RASSF5: variants seen among roughly 807,000 people sequenced by gnomAD.
The protein encoded by RASSF5 is ras association domain-containing protein 5.
Under a neutral mutation model 40.5 loss-of-function variants are expected in RASSF5, and 25 were observed. The ratio of observed to expected loss-of-function variants is 0.62; its 90% CI spans 0.45 to 0.86. The LOEUF is 0.86. Among genes scored for constraint, RASSF5 ranks in the 40% least tolerant of loss-of-function variants. The pLI is 0.00. For synonymous variants in RASSF5, 246 were observed against 252.4 expected (o/e 0.97, Z 0.24); for missense variants, 521 against 572.8 (o/e 0.91, Z 0.92).
In RASSF5 at chr1:206,588,824, TG is replaced by T. The variant is rs1304700745; in HGVS notation, c.*1848del. 6.5e-6 allele frequency: 1 copy of T among 152,750 alleles called. No homozygotes were observed. The highest frequency in any genetic ancestry group is 2.4e-5 in the African/African-American group (1 of 41,434). The allele number at this position is 152,750 out of a possible 1,614,324, so 9.5% of individuals were successfully genotyped here. On this transcript the variant is annotated 3_prime_UTR_variant, in exon 6 of 6. Coordinates refer to ENST00000579436, the MANE Select transcript of RASSF5 (RefSeq NM_182663.4). ...CCTGCTGTATATTAAAGGGAGCAGG[TG>T]GAGAGTCATTTTCCTTCGTCCTGCA...
intron 2 of RASSF5, among the ~76,000 whole-genome samples, chr1:206,574,741 G>T (rs1668571892): frequency 6.6e-6 from 1 of 152,146 alleles, no homozygotes; most frequent in Non-Finnish European, 1.5e-5. Context: ...TGGGTCTGTG[G>T]AGTCCATTTC....
intron 2 of RASSF5, among the ~76,000 whole-genome samples, chr1:206,575,446 G>A (rs1217173046): frequency 2.0e-5 from 3 of 152,188 alleles, no homozygotes; most frequent in Admixed American, 6.5e-5. Context: ...TTAAGAATGC[G>A]TAGACCGGCT....
chr1:206,512,355 T>A (rs782312969), intron 1 of RASSF5, among the ~76,000 whole-genome samples: 4 of 152,098 alleles, frequency 2.6e-5, no homozygotes, highest in Admixed American at 6.5e-5. Flanking sequence ...AAGATGAAAG[T>A]GAAAGGATTA....
chr1:206,539,018 A>G (rs1667484366), intron 2 of RASSF5, among the ~76,000 whole-genome samples: 1 of 152,236 alleles, frequency 6.6e-6, no homozygotes, highest in South Asian at 2.1e-4. Flanking sequence ...TTGCAATAAA[A>G]GTATGAACCA....
chr1:206,586,590 A>G (rs1669120591), intron 5 of RASSF5: 1 of 435,162 alleles, frequency 2.3e-6, no homozygotes, highest in Non-Finnish European at 4.1e-6. Context: ...AAATAAAAAC[A>G]TGGTTCATAG....
intron 1 of RASSF5, among the ~76,000 whole-genome samples, chr1:206,526,646 A>G (rs1667104166): frequency 6.6e-6 from 1 of 152,142 alleles, no homozygotes. Context: ...CCATTCACCA[A>G]CATGACCTAT....
In RASSF5 at chr1:206,534,797, C is replaced by T. The variant is rs552585639; in HGVS notation, c.458-3375C>T. Among the ~76,000 whole-genome samples the T allele has an allele frequency of 3.9e-5, 6 of 152,332 alleles. No individual in the cohort carries two copies. The South Asian group carries it at 8.3e-4, about 21-fold the overall frequency. ...CTCACCCTCGGGCTAGCACAGAGCA[C>T]GAGGAAGCCCCCATGCTCCAGACAT... On this transcript the variant is annotated intron_variant, in intron 1 of 5. Transcript: ENST00000579436.
At chr1:206,585,695 T>C (rs782760330) in intron 5 of RASSF5, 23 of 162,210 alleles carry the variant, frequency 1.4e-4, no homozygotes, top group Non-Finnish European at 3.0e-4. Context: ...TGTCCTCCCT[T>C]TTCTTGACCT....
chr1:206,543,192 C>T (rs1667587088), intron 2 of RASSF5: 1 of 149,150 alleles, frequency 6.7e-6, no homozygotes, highest in South Asian at 2.1e-4. Context: ...CACTGTACTC[C>T]CATCTGGGCA....
intron 1 of RASSF5, among the ~76,000 whole-genome samples, chr1:206,519,128 C>T (rs1168983740): frequency 6.6e-6 from 1 of 152,150 alleles, no homozygotes; most frequent in African/African-American, 2.4e-5. Context: ...AGGGCAAGAA[C>T]AGTCCTCGCC....
At chr1:206,567,776 T>A (rs1668326865) in intron 2 of RASSF5, among the ~76,000 whole-genome samples, 1 of 152,120 alleles carries the variant, frequency 6.6e-6, no homozygotes, top group African/African-American at 2.4e-5. Context: ...GGCTGGAATG[T>A]GCGATAGTAA....
At chr1:206,585,771 G>A (rs1271520412) in intron 5 of RASSF5, 1 of 153,754 alleles carries the variant, frequency 6.5e-6, no homozygotes, top group Non-Finnish European at 1.4e-5. Context: ...AACCAGGCCG[G>A]TGCCACCCAT....
intron 1 of RASSF5, among the ~76,000 whole-genome samples, chr1:206,529,859 G>A (rs1553397727): frequency 1.3e-5 from 2 of 152,056 alleles, no homozygotes; most frequent in Non-Finnish European, 2.9e-5. Flanking sequence ...AGGCTGAAGC[G>A]AGCCATGTTC....
At chr1:206,518,541 C>G in intron 1 of RASSF5, 1 of 398,542 alleles carries the variant, frequency 2.5e-6, no homozygotes, top group Non-Finnish European at 4.4e-6. Context: ...CCGGAGGGCT[C>G]GGGGTAGGTC....
chr1:206,520,614 A>AC (rs1334557348), intron 1 of RASSF5, among the ~76,000 whole-genome samples: 18 of 151,656 alleles, frequency 1.2e-4, no homozygotes, highest in Non-Finnish European at 2.5e-4. Flanking sequence ...CTCAAAAAAA[A>AC]AAAAAAAAGA....
At chr1:206,516,946 C>G (rs1666761521) in intron 1 of RASSF5, among the ~76,000 whole-genome samples, 1 of 152,160 alleles carries the variant, frequency 6.6e-6, no homozygotes, top group African/African-American at 2.4e-5. Flanking sequence ...AGTGTCATTT[C>G]AGGACCCGGA....
At chr1:206,581,892 T>C (rs191067990) in intron 2 of RASSF5, among the ~76,000 whole-genome samples, 1 of 152,164 alleles carries the variant, frequency 6.6e-6, no homozygotes, top group East Asian at 1.9e-4. Context: ...GGGGGGGCCC[T>C]GTTGTGTTCC....
In RASSF5 at chr1:206,515,935, A is replaced by T. The variant is rs528975194; in HGVS notation, c.457+7876A>T. 2.6e-5 allele frequency among the ~76,000 whole-genome samples: 4 copies of T among 152,338 alleles called. No homozygotes were observed. In the South Asian group the frequency reaches 6.2e-4, roughly 24 times the overall value. ...AGAGATGCCTTATTATTCAACTGGA[A>T]CAGATTCCAGCTGTAACATGAGAGT... is the stretch of plus-strand genomic sequence containing the variant. On this transcript the variant is annotated intron_variant, in intron 1 of 5. Transcript: ENST00000579436.
At chr1:206,547,407 C>T (rs1244410644) in intron 2 of RASSF5, among the ~76,000 whole-genome samples, 1 of 151,916 alleles carries the variant, frequency 6.6e-6, no homozygotes, top group African/African-American at 2.4e-5. Context: ...ATTAGATTCT[C>T]GGAGGAGCCT....
Sources: gnomAD v4.1 joint callset for allele counts (sites outside exome capture counted in the v4.1 genomes callset) on GRCh38, gnomAD v4.1.1 for gene constraint, MANE v1.5 for transcripts, NCBI Gene and HGNC (gene_info 2026-07-23, HGNC 2026-07-21) for gene names.